EPHA6: variants seen among roughly 807,000 people sequenced by gnomAD.
EPHA6 encodes ephrin type-A receptor 6.
Under a neutral mutation model 112.0 loss-of-function variants are expected in EPHA6, and 50 were observed. The observed-to-expected ratio is 0.45, with a 90% confidence interval of 0.36 to 0.56. The LOEUF (loss-of-function observed/expected upper bound fraction) is 0.56. Among genes scored for constraint, EPHA6 ranks in the 20% least tolerant of loss-of-function variants. The pLI is 0.00. For synonymous variants in EPHA6, 529 were observed against 490.7 expected, an observed-to-expected ratio of 1.08 and a Z score of -1.03; for missense variants, 1,280 against 1,417.4, an observed-to-expected ratio of 0.90 and a Z score of 1.56.
At chr3:97,584,853 C>T (rs1424420336) in intron 11 of EPHA6, among the ~76,000 whole-genome samples, 2 of 152,170 alleles carry the variant, frequency 1.3e-5, no homozygotes, top group Non-Finnish European at 2.9e-5. Flanking sequence ...TCATGATAAA[C>T]CAATATGTTT....
intron 3 of EPHA6, among the ~76,000 whole-genome samples, chr3:97,203,896 G>T (rs1183199503): frequency 6.6e-6 from 1 of 152,088 alleles, no homozygotes; most frequent in Non-Finnish European, 1.5e-5. Flanking sequence ...TGATGAGTTA[G>T]TGGGTGCAGC....
chr3:97,052,221 C>T (rs2045705980), intron 3 of EPHA6, among the ~76,000 whole-genome samples: 1 of 152,068 alleles, frequency 6.6e-6, no homozygotes. Flanking sequence ...CTATTTCCCC[C>T]ATGCCTGCCT....
At chr3:96,860,303 AT>A (rs1281990475) in intron 1 of EPHA6, among the ~76,000 whole-genome samples, 10 of 151,980 alleles carry the variant, frequency 6.6e-5, no homozygotes, top group Non-Finnish European at 1.2e-4. Flanking sequence ...CATTCTCATA[AT>A]TTTTTTCACA....
At chr3:97,153,894 A>G (rs1456533402) in intron 3 of EPHA6, among the ~76,000 whole-genome samples, 1 of 152,102 alleles carries the variant, frequency 6.6e-6, no homozygotes, top group Non-Finnish European at 1.5e-5. Context: ...GGCTGAGTGC[A>G]GTGGGTCGCT....
intron 11 of EPHA6, among the ~76,000 whole-genome samples, chr3:97,544,768 A>C (rs1286733173): frequency 6.6e-6 from 1 of 152,102 alleles, no homozygotes; most frequent in Non-Finnish European, 1.5e-5. Flanking sequence ...TCAATTTCAG[A>C]GCCTGTTATT....
intron 10 of EPHA6, among the ~76,000 whole-genome samples, chr3:97,490,190 T>G (rs1485571708): frequency 6.6e-6 from 1 of 152,176 alleles, no homozygotes; most frequent in African/African-American, 2.4e-5. Context: ...TATGTTTATC[T>G]GGTTGCCAAC....
chr3:97,739,272 CT>C (rs1312978601), intron 16 of EPHA6, among the ~76,000 whole-genome samples: 1 of 152,000 alleles, frequency 6.6e-6, no homozygotes, highest in Non-Finnish European at 1.5e-5. Flanking sequence ...CTGCACTTTC[CT>C]TTTGTGTAGC....
intron 5 of EPHA6, among the ~76,000 whole-genome samples, chr3:97,294,102 T>C (rs2080793706): frequency 6.6e-6 from 1 of 152,182 alleles, no homozygotes; most frequent in Non-Finnish European, 1.5e-5. Flanking sequence ...AGGAGAGGCT[T>C]TCTGGGCCCC....
intron 3 of EPHA6, among the ~76,000 whole-genome samples, chr3:96,998,843 T>A (rs535455265): frequency 2.6e-5 from 4 of 151,912 alleles, no homozygotes; most frequent in African/African-American, 9.7e-5. Flanking sequence ...ACTTTCAATT[T>A]ATCCTGTCTT....
chr3:96,932,388 A>T lies in EPHA6; in HGVS notation c.451-54942A>T, dbSNP rs964113537. ...AGAAAATTTTCAAAATAAATATTTTAAAAACACAGAATGTACTTCAATTAT... is the reference window on the plus strand; with the variant it reads ...AGAAAATTTTCAAAATAAATATTTTTAAAACACAGAATGTACTTCAATTAT... On this transcript the variant is annotated intron_variant, in intron 2 of 17. Coordinates refer to ENST00000389672, the MANE Select transcript of EPHA6 (RefSeq NM_001080448.3). Among the ~76,000 whole-genome samples the T allele has an allele frequency of 3.3e-5, 5 of 152,234 alleles. No individual in the cohort carries two copies. In the East Asian group the frequency reaches 5.8e-4, roughly 18 times the overall value.
chr3:97,046,014 C>T (rs1295329092), intron 3 of EPHA6, among the ~76,000 whole-genome samples: 1 of 152,022 alleles, frequency 6.6e-6, no homozygotes, highest in East Asian at 1.9e-4. Flanking sequence ...TTAAAGTCCT[C>T]AAGACACAGA....
intron 5 of EPHA6, among the ~76,000 whole-genome samples, chr3:97,350,838 T>C (rs1403971026): frequency 6.6e-6 from 1 of 152,050 alleles, no homozygotes; most frequent in Non-Finnish European, 1.5e-5. Flanking sequence ...AAAAAATATA[T>C]ATAATCTCTT....
intron 3 of EPHA6, among the ~76,000 whole-genome samples, chr3:97,017,758 T>C (rs535604091): frequency 6.6e-6 from 1 of 152,288 alleles, no homozygotes; most frequent in Admixed American, 6.5e-5. Context: ...TAAATGCCTT[T>C]AGGTGGTTGT....
intron 3 of EPHA6, among the ~76,000 whole-genome samples, chr3:96,988,268 A>G (rs1389546670): frequency 2.0e-5 from 3 of 152,142 alleles, no homozygotes; most frequent in East Asian, 1.9e-4. Flanking sequence ...TTGTGAAAGC[A>G]ATTGATTCAT....
intron 4 of EPHA6, 84 bp downstream of exon 4, chr3:97,226,503 T>A (rs2078360579): frequency 7.8e-7 from 1 of 1,290,282 alleles, no homozygotes; most frequent in Admixed American, 2.3e-5. Context: ...TAAGTAAATG[T>A]ACAAAATCTT....
chr3:97,652,178 G>A (rs1439763371), intron 14 of EPHA6, among the ~76,000 whole-genome samples: 2 of 152,072 alleles, frequency 1.3e-5, no homozygotes, highest in Non-Finnish European at 2.9e-5. Flanking sequence ...CATCTCTGAT[G>A]TGAAAAGAAT....
chr3:97,438,043 A>G (rs992545260), intron 6 of EPHA6, among the ~76,000 whole-genome samples: 1 of 152,314 alleles, frequency 6.6e-6, no homozygotes, highest in Non-Finnish European at 1.5e-5. Flanking sequence ...TTGTTTGACT[A>G]TAATATACTT....
intron 3 of EPHA6, among the ~76,000 whole-genome samples, chr3:97,000,502 G>C (rs1489144296): frequency 6.6e-6 from 1 of 151,764 alleles, no homozygotes; most frequent in African/African-American, 2.4e-5. Context: ...AGGTTTGCTT[G>C]TTGTTGAGGG....
rs531325611 is a variant in EPHA6 at position 97,351,300 on chromosome 3, G to A, written c.1607-53850G>A. 2.2e-3 allele frequency among the ~76,000 whole-genome samples: 336 copies of A among 152,234 alleles called. 3 individuals carry two copies. Among genetic ancestry groups the A allele is most frequent in the African/African-American group, 7.8e-3 (325 of 41,534 alleles). ...CCAACCTTCAACTCAGAAGTGACTT[G>A]GATCAGGCTATTTAGTGCTTATAAA... is the stretch of plus-strand genomic sequence containing the variant. On this transcript the variant is annotated intron_variant, in intron 5 of 17. Transcript: ENST00000389672.
Sources: gnomAD v4.1 joint callset for allele counts (sites outside exome capture counted in the v4.1 genomes callset) on GRCh38, gnomAD v4.1.1 for gene constraint, MANE v1.5 for transcripts, NCBI Gene and HGNC (gene_info 2026-07-23, HGNC 2026-07-21) for gene names.